Variants in RBFOX1 observed in about 807,000 individuals in gnomAD.
The protein encoded by RBFOX1 is RNA binding fox-1 homolog 1.
In RBFOX1, 8 loss-of-function variants were observed where a neutral mutation model predicts 57.7. The ratio of observed to expected loss-of-function variants is 0.14; its 90% CI spans 0.08 to 0.25. RBFOX1 has a LOEUF of 0.25. Ranked by LOEUF, RBFOX1 falls within the 10% of genes least tolerant of loss-of-function variation. The pLI is 1.00. For synonymous variants in RBFOX1, 326 were observed against 222.4 expected (o/e 1.47, Z -4.15); for missense variants, 611 against 548.5 (o/e 1.11, Z -1.14).
intron 4 of RBFOX1, among the ~76,000 whole-genome samples, chr16:7,172,157 C>T (rs1007276916): frequency 9.9e-5 from 15 of 152,220 alleles, no homozygotes; most frequent in Admixed American, 5.9e-4. Context: ...TTTTAGAATT[C>T]TGCATCCTGG....
Position 5,467,041 on chromosome 16 carries a change from G to A in RBFOX1, c.220-175G>A, listed in dbSNP as rs193188348. Among the ~76,000 whole-genome samples, 15 of 152,270 alleles carry A rather than the reference G, an allele frequency of 9.9e-5. No individual in the cohort carries two copies. The East Asian group carries it at 2.5e-3, about 25-fold the overall frequency. ...GTCATCTTGTTTGTTGTCAAAAACAGAGCCTACAACAGAGCCTGACACATG... is the reference window on the plus strand; with the variant it reads ...GTCATCTTGTTTGTTGTCAAAAACAAAGCCTACAACAGAGCCTGACACATG... On this transcript the variant is annotated intron_variant, in intron 1 of 2. Coordinates refer to the RBFOX1 transcript ENST00000585867.
chr16:7,538,972 TG>T (rs1438616001), intron 5 of RBFOX1, among the ~76,000 whole-genome samples: 1 of 151,832 alleles, frequency 6.6e-6, no homozygotes, highest in Non-Finnish European at 1.5e-5. Flanking sequence ...CACACTTCAG[TG>T]GTGGCTGAAT....
chr16:6,839,020 T>C (rs2093305848), intron 3 of RBFOX1, among the ~76,000 whole-genome samples: 1 of 152,010 alleles, frequency 6.6e-6, no homozygotes. Flanking sequence ...AGTCTTGCTC[T>C]GTCGACGAGG....
intron 14 of RBFOX1, among the ~76,000 whole-genome samples, chr16:7,708,786 T>G (rs2083319119): frequency 6.6e-6 from 1 of 151,260 alleles, no homozygotes; most frequent in Admixed American, 6.6e-5. Flanking sequence ...AGAAACAGTA[T>G]TATGGGGGGA....
chr16:7,693,198 A>C, intron 14 of RBFOX1: 1 of 781,632 alleles, frequency 1.3e-6, no homozygotes, highest in Non-Finnish European at 2.2e-6. Context: ...ATTTCCTCGC[A>C]ACATCCATTC....
At chr16:6,282,355 G>GTTTTTTTT (rs151272388) in intron 1 of RBFOX1, among the ~76,000 whole-genome samples, 5 of 125,252 alleles carry the variant, frequency 4.0e-5, no homozygotes, top group East Asian at 4.9e-4. Flanking sequence ...TACCTTGTCT[G>GTTTTTTTT]TTTTTTTTTT....
chr16:6,443,104 C>T (rs1384538862), intron 2 of RBFOX1, among the ~76,000 whole-genome samples: 3 of 152,176 alleles, frequency 2.0e-5, no homozygotes. Flanking sequence ...TCCCAGCCCC[C>T]AGTTTTCCCT....
At chr16:7,059,904 T>C (rs1486228241) in intron 4 of RBFOX1, among the ~76,000 whole-genome samples, 4 of 152,198 alleles carry the variant, frequency 2.6e-5, no homozygotes, top group African/African-American at 9.6e-5. Context: ...GAGCTGTTTC[T>C]ATGAAAACTA....
intron 3 of RBFOX1, among the ~76,000 whole-genome samples, chr16:5,676,374 C>T (rs550851320): frequency 1.3e-5 from 2 of 152,216 alleles, no homozygotes; most frequent in South Asian, 4.1e-4. Context: ...TGTGTAGCTG[C>T]CCATATATGT....
chr16:5,945,987 G>C (rs2059392776), intron 4 of RBFOX1, among the ~76,000 whole-genome samples: 2 of 152,172 alleles, frequency 1.3e-5, no homozygotes, highest in Non-Finnish European at 2.9e-5. Context: ...CCAGGGAATG[G>C]AACATCCACA....
At chr16:6,972,589 A>G (rs1237823606) in intron 3 of RBFOX1, among the ~76,000 whole-genome samples, 1 of 152,116 alleles carries the variant, frequency 6.6e-6, no homozygotes, top group Non-Finnish European at 1.5e-5. Context: ...ACTGATTGGA[A>G]TGTTCTGGGA....
At chr16:6,985,135 A>ACCCTC (rs1257030509) in intron 3 of RBFOX1, among the ~76,000 whole-genome samples, 2 of 150,944 alleles carry the variant, frequency 1.3e-5, no homozygotes, top group East Asian at 2.0e-4. Context: ...ACCCTACCCT[A>ACCCTC]CCCTCTTCTT....
chr16:7,515,854 G>C (rs2076238249), intron 4 of RBFOX1, among the ~76,000 whole-genome samples: 1 of 152,002 alleles, frequency 6.6e-6, no homozygotes, highest in African/African-American at 2.4e-5. Context: ...TGTTGTTGTT[G>C]TTGTTGTTGA....
At chr16:7,041,318 C>T (rs935124666) in intron 3 of RBFOX1, among the ~76,000 whole-genome samples, 61 of 152,036 alleles carry the variant, frequency 4.0e-4, no homozygotes, top group African/African-American at 1.4e-3. Context: ...AATGGGAGAA[C>T]CGAGTAGCTG....
At chr16:6,467,308 A>G (rs945675376) in intron 2 of RBFOX1, among the ~76,000 whole-genome samples, 3 of 151,926 alleles carry the variant, frequency 2.0e-5, no homozygotes, top group South Asian at 2.1e-4. Flanking sequence ...ATTAATATGT[A>G]TTATGTGGGT....
intron 2 of RBFOX1, among the ~76,000 whole-genome samples, chr16:6,519,239 A>G (rs573264159): frequency 6.6e-6 from 1 of 152,306 alleles, no homozygotes; most frequent in African/African-American, 2.4e-5. Context: ...GGTTGAGTGA[A>G]GAGTGGGAGT....
intron 4 of RBFOX1, among the ~76,000 whole-genome samples, chr16:7,425,838 T>C (rs977056890): frequency 2.6e-5 from 4 of 152,212 alleles, no homozygotes; most frequent in Admixed American, 2.6e-4. Context: ...AATACTGCCT[T>C]GTTAATTTGT....
At chr16:6,557,051 A>G (rs1055506649) in intron 2 of RBFOX1, among the ~76,000 whole-genome samples, 6 of 147,190 alleles carry the variant, frequency 4.1e-5, no homozygotes, top group African/African-American at 1.5e-4. Flanking sequence ...ATATACATAT[A>G]TATACATATA....
At chr16:5,993,924 G>T (rs2060449045) in intron 4 of RBFOX1, among the ~76,000 whole-genome samples, 1 of 152,178 alleles carries the variant, frequency 6.6e-6, no homozygotes. Context: ...GGGAGATTCA[G>T]CACTTGATTT....
Sources: gnomAD v4.1 joint callset for allele counts (sites outside exome capture counted in the v4.1 genomes callset) on GRCh38, gnomAD v4.1.1 for gene constraint, MANE v1.5 for transcripts, NCBI Gene and HGNC (gene_info 2026-07-23, HGNC 2026-07-21) for gene names.